Variants in PTPRD observed in about 807,000 individuals in gnomAD.
The protein encoded by PTPRD is protein tyrosine phosphatase receptor type D.
A neutral mutation model predicts 214.5 loss-of-function variants in PTPRD; 34 were observed. That is an observed-to-expected ratio of 0.16 (90% CI 0.12 to 0.21). The LOEUF (loss-of-function observed/expected upper bound fraction) is 0.21, where lower values mean the gene tolerates loss of function less well. Among genes scored for constraint, PTPRD ranks in the 10% least tolerant of loss-of-function variants. The probability of loss-of-function intolerance (pLI) is 1.00; values close to 1 mark genes in which losing one functional copy is unlikely to be tolerated. For synonymous variants in PTPRD, 1,128 were observed against 845.7 expected (o/e 1.33, Z -5.79); for missense variants, 2,545 against 2,398.7 (o/e 1.06, Z -1.27).
At chr9:10,506,679 T>C (rs988025064) in intron 2 of PTPRD, among the ~76,000 whole-genome samples, 1 of 152,160 alleles carries the variant, frequency 6.6e-6, no homozygotes, top group Non-Finnish European at 1.5e-5. Flanking sequence ...CTACAATCTA[T>C]TTAGTTGTCA....
chr9:10,120,485 C>G (rs2098765703), intron 3 of PTPRD, among the ~76,000 whole-genome samples: 1 of 151,946 alleles, frequency 6.6e-6, no homozygotes, highest in African/African-American at 2.4e-5. Context: ...TGAAAACAGT[C>G]TTTCATTGTA....
At chr9:9,978,897 A>G (rs1467178085) in intron 4 of PTPRD, among the ~76,000 whole-genome samples, 2 of 152,074 alleles carry the variant, frequency 1.3e-5, no homozygotes, top group Non-Finnish European at 2.9e-5. Flanking sequence ...AAGTCGACAC[A>G]TTATACAGGA....
Position 8,319,019 on chromosome 9 carries a change from CTGAG to C in PTPRD, c.5670+808_5670+811del, listed in dbSNP as rs1374273106. Among the ~76,000 whole-genome samples, 9 of 152,126 alleles carry C rather than the reference CTGAG, an allele frequency of 5.9e-5. No homozygotes were observed. The East Asian group carries it at 1.7e-3, about 30-fold the overall frequency. On this transcript the variant is annotated intron_variant, in intron 45 of 45. Coordinates refer to ENST00000381196, the MANE Select transcript of PTPRD (RefSeq NM_002839.4). Reference sequence around the variant, plus strand: ...TATCTTGTCACAGTAAGTTGCTTGGCTGAGTGTTAAGGCTTTTTAAATGTCCAAT... The same window carrying C: ...TATCTTGTCACAGTAAGTTGCTTGGCTGTTAAGGCTTTTTAAATGTCCAAT...
intron 3 of PTPRD, among the ~76,000 whole-genome samples, chr9:10,260,497 AT>A (rs2093622224): frequency 6.6e-6 from 1 of 152,118 alleles, no homozygotes; most frequent in Non-Finnish European, 1.5e-5. Flanking sequence ...ACTAAGATGT[AT>A]TTCTCCCTCA....
intron 10 of PTPRD, among the ~76,000 whole-genome samples, chr9:9,149,603 T>TA (rs1185679203): frequency 6.6e-6 from 1 of 152,158 alleles, no homozygotes; most frequent in Non-Finnish European, 1.5e-5. Context: ...ATCACCCAGA[T>TA]AAAAAAATCC....
intron 11 of PTPRD, among the ~76,000 whole-genome samples, chr9:8,817,466 T>C (rs1266707218): frequency 6.6e-6 from 1 of 152,146 alleles, no homozygotes; most frequent in African/African-American, 2.4e-5. Context: ...CAAATTGTTT[T>C]TCTTTTTTTA....
chr9:8,779,067 G>A (rs547130053), intron 11 of PTPRD, among the ~76,000 whole-genome samples: 165 of 152,310 alleles, frequency 1.1e-3, no homozygotes, highest in Non-Finnish European at 1.9e-3. Flanking sequence ...TGGAGGGAAT[G>A]TCAGAGGCAA....
intron 8 of PTPRD, among the ~76,000 whole-genome samples, chr9:9,525,272 T>C (rs2073856111): frequency 6.6e-6 from 1 of 152,144 alleles, no homozygotes; most frequent in African/African-American, 2.4e-5. Context: ...CTGCCCTTTT[T>C]CTCTCTGTAG....
At chr9:10,591,997 C>G (rs1426084756) in intron 2 of PTPRD, among the ~76,000 whole-genome samples, 4 of 152,214 alleles carry the variant, frequency 2.6e-5, no homozygotes, top group African/African-American at 2.4e-5. Flanking sequence ...CTGAGACACT[C>G]TCAGAAACTT....
chr9:9,807,570 T>C (rs2045849319), intron 5 of PTPRD, among the ~76,000 whole-genome samples: 1 of 152,192 alleles, frequency 6.6e-6, no homozygotes. Flanking sequence ...CACTGATGCT[T>C]GCAGCTACAG....
At chr9:8,599,686 C>T (rs186760908) in intron 14 of PTPRD, among the ~76,000 whole-genome samples, 9 of 140,404 alleles carry the variant, frequency 6.4e-5, no homozygotes, top group Non-Finnish European at 1.1e-4. Context: ...TGCAACGGCG[C>T]GATCACTGCA....
intron 4 of PTPRD, among the ~76,000 whole-genome samples, chr9:10,032,591 CTTACTTGTATGTA>C: frequency 6.6e-6 from 1 of 152,280 alleles, no homozygotes; most frequent in South Asian, 2.1e-4. Flanking sequence ...CATGTACAAG[CTTACTTGTATGTA>C]TAAATGTAAA....
rs146037835 is a variant in PTPRD, at chr9:8,863,491, T to G, written c.-103-129545A>C. Among the ~76,000 whole-genome samples, 492 of 152,340 alleles carry G rather than the reference T, an allele frequency of 3.2e-3. 1 individual carries two copies. The highest frequency in any genetic ancestry group is 0.011 in the African/African-American group (454 of 41,570). ...TATGATAACTGTATATTACACTTATTTATAATTAATATATGACAAGCTGTC... is the reference window on the plus strand; with the variant it reads ...TATGATAACTGTATATTACACTTATGTATAATTAATATATGACAAGCTGTC... On this transcript the variant is annotated intron_variant, in intron 11 of 45. Transcript: ENST00000381196.
intron 11 of PTPRD, among the ~76,000 whole-genome samples, chr9:8,807,135 G>C (rs1432360200): frequency 6.6e-6 from 1 of 152,100 alleles, no homozygotes; most frequent in Admixed American, 6.5e-5. Context: ...TCAGGAGTTC[G>C]AGACCAGCCT....
intron 11 of PTPRD, among the ~76,000 whole-genome samples, chr9:8,884,315 T>C (rs2098469230): frequency 6.6e-6 from 1 of 152,246 alleles, no homozygotes; most frequent in South Asian, 2.1e-4. Flanking sequence ...GATGCTCGAT[T>C]GCCTGTTGCT....
intron 8 of PTPRD, among the ~76,000 whole-genome samples, chr9:9,454,126 T>A (rs969291843): frequency 6.6e-6 from 1 of 151,160 alleles, no homozygotes; most frequent in East Asian, 1.9e-4. Context: ...ATGAGAAAAA[T>A]GAAAATATCC....
chr9:9,025,512 T>C (rs1359201423), intron 10 of PTPRD, among the ~76,000 whole-genome samples: 1 of 152,026 alleles, frequency 6.6e-6, no homozygotes, highest in Non-Finnish European at 1.5e-5. Context: ...AGAAAACCCA[T>C]GGAGCTTCAA....
At chr9:9,096,765 T>C (rs2099784110) in intron 10 of PTPRD, among the ~76,000 whole-genome samples, 1 of 152,196 alleles carries the variant, frequency 6.6e-6, no homozygotes, top group Non-Finnish European at 1.5e-5. Context: ...ATTATGATTA[T>C]GTGTTGTGCT....
chr9:9,109,022 C>T (rs193114222), intron 10 of PTPRD, among the ~76,000 whole-genome samples: 9 of 152,220 alleles, frequency 5.9e-5, no homozygotes, highest in African/African-American at 2.2e-4. Context: ...AAGTAGTCAG[C>T]CTGTTCCTCT....
Sources: allele counts gnomAD v4.1 joint callset (sites outside exome capture counted in the v4.1 genomes callset), GRCh38; gene constraint gnomAD v4.1.1; transcripts MANE v1.5; gene names NCBI Gene and HGNC (gene_info 2026-07-23, HGNC 2026-07-21).